Variants in ZSCAN1 observed in about 807,000 individuals in gnomAD.
ZSCAN1 encodes the protein zinc finger and SCAN domain-containing protein 1.
ZSCAN1 carries 23 observed loss-of-function variants against 23.8 expected under a neutral mutation model. The observed-to-expected ratio is 0.97, with a 90% CI of 0.70 to 1.37. ZSCAN1 has a LOEUF of 1.37. Among genes scored for constraint, ZSCAN1 ranks in the 40% most tolerant of loss-of-function variants. The pLI is 0.00. For missense variants in ZSCAN1, 575 were observed against 554.0 expected, an observed-to-expected ratio of 1.04 and a Z score of -0.38; for synonymous variants, 236 against 232.3, an observed-to-expected ratio of 1.02 and a Z score of -0.15.
At chr19:58,050,360 C>T (rs1253587953) in intron 4 of ZSCAN1, among the ~76,000 whole-genome samples, 2 of 151,792 alleles carry the variant, frequency 1.3e-5, no homozygotes, top group Non-Finnish European at 2.9e-5. Flanking sequence ...CGCTTGAACC[C>T]AGCGGGTGGA....
At chr19:58,044,444 C>T (rs1184644042) in intron 4 of ZSCAN1, 14 of 380,706 alleles carry the variant, frequency 3.7e-5, no homozygotes, top group Non-Finnish European at 6.5e-5. Context: ...AGCTGGGCGC[C>T]TCCTGTCCGA....
At position 58,052,491 on chromosome 19, in the gene ZSCAN1, C is replaced by T. The variant is rs757274442; in HGVS notation, c.467C>T (p.Ala156Val). The stretch of plus-strand genomic sequence containing the variant: ...ACAGTCCTGTGCTTGCCATTCTAGG[C>T]GTCTGAGCTGATTCTGGATGCAGTG... ...SPRSQKEPSQ[A>V]SELILDAVAA... Residue 156 changes from alanine (A) to valine (V), a missense_variant and splice_region_variant, in exon 5 of 6, where the codon GCG becomes GTG. By Grantham distance (64) the Ala-to-Val change is moderately conservative. Coordinates refer to ENST00000282326, the MANE Select transcript of ZSCAN1 (RefSeq NM_182572.4). The T allele has an allele frequency of 1.2e-5, 19 of 1,613,998 alleles. No homozygotes were observed. The highest frequency in any genetic ancestry group is 3.3e-5 in the Admixed American group (2 of 60,000).
In ZSCAN1 at chr19:58,045,983, C is replaced by T. The variant is rs770858419; in HGVS notation, c.465+5439C>T. The T allele has an allele frequency of 2.8e-4, 202 of 730,996 alleles. 1 individual carries two copies. Among genetic ancestry groups the T allele is most frequent in the Middle Eastern group, 2.5e-4 (1 of 3,926 alleles). The allele number at this position is 730,996 out of a possible 1,614,324, so 45.3% of individuals were successfully genotyped here. ...CTAGAGGCCACACTGCAGGAGAAGG[C>T]GACCATGCAGTAGGAGCACCGCGAG... is the stretch of plus-strand genomic sequence containing the variant. On this transcript the variant is annotated intron_variant, in intron 4 of 5. Transcript: ENST00000282326. The surrounding 1 kb of genome is among the most constrained non-coding windows in gnomAD (Gnocchi z 4.3).
intron 4 of ZSCAN1, chr19:58,046,349 A>G: frequency 1.1e-6 from 1 of 937,006 alleles, no homozygotes. Context: ...ACTGGTGAAG[A>G]AAAATACATG....
At position 58,043,211 on chromosome 19, in the gene ZSCAN1, A is replaced by G. The variant is rs2073802048; in HGVS notation, c.465+2667A>G. 2.0e-5 allele frequency among the ~76,000 whole-genome samples: 3 copies of G among 152,268 alleles called. 1 individual carries two copies. In the South Asian group the frequency reaches 6.2e-4, roughly 31 times the overall value. Reference sequence around the variant, plus strand: ...GGCACGACTGGCGATCGCTGAGCGCATACAACCGCCTACCATCGGAAGCCT... The same window carrying G: ...GGCACGACTGGCGATCGCTGAGCGCGTACAACCGCCTACCATCGGAAGCCT... On this transcript the variant is annotated intron_variant, in intron 4 of 5. Coordinates refer to ENST00000282326, the MANE Select transcript of ZSCAN1 (RefSeq NM_182572.4).
intron 4 of ZSCAN1, chr19:58,044,476 G>C (rs1207547718): frequency 2.5e-6 from 1 of 398,704 alleles, no homozygotes; most frequent in Non-Finnish European, 4.5e-6. Flanking sequence ...GCCGTCAACC[G>C]TCCGCACGGA....
chr19:58,042,584 T>G (rs1163972659), intron 4 of ZSCAN1, among the ~76,000 whole-genome samples: 1 of 152,176 alleles, frequency 6.6e-6, no homozygotes, highest in Non-Finnish European at 1.5e-5. Flanking sequence ...GCCCCTCTCC[T>G]GCACCAAAAC....
Position 58,038,019 on chromosome 19 carries a change from G to T in ZSCAN1, c.183G>T (p.Thr61=), listed in dbSNP as rs534604065. ...GPHLALGQLW[T]LCRQWLRPEA... ...ACCTCGCGCTGGGCCAGCTCTGGAC[G>T]CTGTGCCGCCAGTGGCTGAGGCCCG... The change falls in exon 3 of 6, where the codon ACG becomes ACT. Residue 61 remains threonine, a synonymous_variant. Transcript: ENST00000282326. 3.1e-6 allele frequency: 5 copies of T among 1,611,050 alleles called. No homozygotes were observed. The highest frequency in any genetic ancestry group is 2.7e-5 in the African/African-American group (2 of 75,046).
At position 58,053,616 on chromosome 19, in the gene ZSCAN1, C is replaced by T; in HGVS notation, c.792C>T (p.Ser264=). The T allele has an allele frequency of 6.2e-7, 1 of 1,614,136 alleles. No individual in the cohort carries two copies. The highest frequency in any genetic ancestry group is 1.1e-5 in the South Asian group (1 of 91,080). Residue 264 remains serine, a synonymous_variant, in exon 6 of 6, where the codon TCC becomes TCT. Coordinates refer to ENST00000282326, the MANE Select transcript of ZSCAN1 (RefSeq NM_182572.4). This position sits in a 1 kb window ranked among gnomAD's most constrained non-coding sequence, Gnocchi z 5.8. ...NTDQSGRHQP[S]LKHTKGGTQE... ...ACCAGAGCGGCCGCCACCAGCCATC[C>T]CTCAAGCACACCAAAGGTGGTACCC...
chr19:58,037,520 C>G (rs1246926400), intron 2 of ZSCAN1, among the ~76,000 whole-genome samples: 1 of 151,956 alleles, frequency 6.6e-6, no homozygotes, highest in East Asian at 1.9e-4. Context: ...ATGGCAGGTG[C>G]AAAGGTCCTG....
intron 4 of ZSCAN1, among the ~76,000 whole-genome samples, chr19:58,051,074 G>A (rs982625893): frequency 1.3e-5 from 2 of 152,130 alleles, no homozygotes; most frequent in Non-Finnish European, 2.9e-5. Context: ...CAAGTGTGTC[G>A]ATAGCTCCTC....
intron 1 of ZSCAN1, among the ~76,000 whole-genome samples, chr19:58,034,664 T>A (rs2073721237): frequency 2.3e-5 from 1 of 42,740 alleles, no homozygotes; most frequent in South Asian, 9.6e-4. Flanking sequence ...CCCCGACCCG[T>A]CTCTCTCCCT....
intron 4 of ZSCAN1, chr19:58,046,621 C>A (rs1414671570): frequency 1.2e-5 from 10 of 844,020 alleles, no homozygotes; most frequent in Non-Finnish European, 2.1e-5. Flanking sequence ...CAACGTCGAC[C>A]ACCTCATCAA....
chr19:58,053,811 C>A lies in ZSCAN1; in HGVS notation c.987C>A (p.Phe329Leu), dbSNP rs137957203. 4.8e-4 allele frequency: 775 copies of A among 1,614,158 alleles called. No homozygotes were observed. Among genetic ancestry groups the A allele is most frequent in the Non-Finnish European group, 6.1e-4 (716 of 1,180,032 alleles). The change falls in exon 6 of 6, where the codon TTC becomes TTA. Residue 329 changes from phenylalanine to leucine, a missense_variant. By Grantham distance (22) the Phe-to-Leu change is conservative. Coordinates refer to ENST00000282326, the MANE Select transcript of ZSCAN1 (RefSeq NM_182572.4). This position sits in a 1 kb window ranked among gnomAD's most constrained non-coding sequence, Gnocchi z 5.8. ...CGTGCCCCGAGTGTGGCAAGGTCTT[C>A]CTGCACAACTCCGTCCTCACTGAGC... ...PFPCPECGKV[F>L]LHNSVLTEHG...
intron 5 of ZSCAN1, among the ~76,000 whole-genome samples, chr19:58,052,949 C>T (rs2073867768): frequency 7.1e-6 from 1 of 140,540 alleles, no homozygotes; most frequent in Admixed American, 7.5e-5. Context: ...GATCTGCTCC[C>T]AAAACATGTG....
chr19:58,036,925 C>A lies in ZSCAN1; in HGVS notation c.-109-803C>A, dbSNP rs57259757. On this transcript the variant is annotated intron_variant, in intron 2 of 5. Coordinates refer to ENST00000282326, the MANE Select transcript of ZSCAN1 (RefSeq NM_182572.4). ...TCTTGAACTGCTGACTTCAGGTGAT[C>A]CACCCACCCGGGCCTCCCAAAGTGC... Among the ~76,000 whole-genome samples the A allele has an allele frequency of 5.2e-3, 788 of 152,222 alleles. 8 individuals carry two copies. The highest frequency in any genetic ancestry group is 0.018 in the African/African-American group (727 of 41,540).
Position 58,051,161 on chromosome 19 carries a change from G to A in ZSCAN1, c.466-1329G>A, listed in dbSNP as rs1443928493. 6.6e-5 allele frequency among the ~76,000 whole-genome samples: 10 copies of A among 152,130 alleles called. No individual in the cohort carries two copies. The South Asian group carries it at 1.5e-3, about 22-fold the overall frequency. On this transcript the variant is annotated intron_variant, in intron 4 of 5. Coordinates refer to ENST00000282326, the MANE Select transcript of ZSCAN1 (RefSeq NM_182572.4). ...ACATGCCACCCACTCTTCTCTCCACGCAGCCCCTCTGCTGCCCTTGATTAG... is the reference window on the plus strand; with the variant it reads ...ACATGCCACCCACTCTTCTCTCCACACAGCCCCTCTGCTGCCCTTGATTAG...
chr19:58,047,567 G>A lies in ZSCAN1; in HGVS notation c.466-4923G>A, dbSNP rs1162772297. Among the ~76,000 whole-genome samples, 2 of 152,234 alleles carry A rather than the reference G, an allele frequency of 1.3e-5. No individual in the cohort carries two copies. The highest frequency in any genetic ancestry group is 2.9e-5 in the Non-Finnish European group (2 of 68,038). ...GGTGCTTGGGCTGCGCGCCACGGGGGCTGCAGTGGATTTACTGTGTCAGGG... is the reference window on the plus strand; with the variant it reads ...GGTGCTTGGGCTGCGCGCCACGGGGACTGCAGTGGATTTACTGTGTCAGGG... On this transcript the variant is annotated intron_variant, in intron 4 of 5. Coordinates refer to ENST00000282326, the MANE Select transcript of ZSCAN1 (RefSeq NM_182572.4). The surrounding 1 kb of genome is among the most constrained non-coding windows in gnomAD (Gnocchi z 4.9).
At chr19:58,043,246 T>G (rs2073802375) in intron 4 of ZSCAN1, among the ~76,000 whole-genome samples, 1 of 152,168 alleles carries the variant, frequency 6.6e-6, no homozygotes, top group Non-Finnish European at 1.5e-5. Flanking sequence ...TTTTGAGAAA[T>G]GCTTCCTTAG....
Sources: allele counts gnomAD v4.1 joint callset (sites outside exome capture counted in the v4.1 genomes callset), GRCh38; gene constraint gnomAD v4.1.1; non-coding constraint Gnocchi (gnomAD v3.1); transcripts MANE v1.5; gene names NCBI Gene and HGNC (gene_info 2026-07-23, HGNC 2026-07-21).